The following KIAA0753 variants were observed in gnomAD, a reference collection of about 807,000 sequenced individuals.
KIAA0753 encodes the protein protein moonraker.
KIAA0753 carries 114 observed loss-of-function variants against 116.9 expected under a neutral mutation model. The observed-to-expected ratio is 0.98, with a 90% CI of 0.84 to 1.14. The LOEUF (loss-of-function observed/expected upper bound fraction) is 1.14. Ranked by LOEUF, KIAA0753 falls within the 50% of genes most tolerant of loss-of-function variation. The pLI is 0.00. For synonymous variants in KIAA0753, 405 were observed against 413.1 expected (o/e 0.98, Z 0.24); for missense variants, 1,156 against 1,172.4 (o/e 0.99, Z 0.20).
chr17:6,592,591 C>CTAGA (rs960949928), intron 16 of KIAA0753, among the ~76,000 whole-genome samples: 2 of 152,130 alleles, frequency 1.3e-5, no homozygotes, highest in Non-Finnish European at 2.9e-5. Context: ...GTAAATGGAA[C>CTAGA]TAGATCACAT....
chr17:6,634,108 T>C (rs1291891446), intron 2 of KIAA0753, among the ~76,000 whole-genome samples: 2 of 150,598 alleles, frequency 1.3e-5, no homozygotes, highest in African/African-American at 4.9e-5. Context: ...TTTTTTTTTT[T>C]TTTTTCTTTT....
At chr17:6,626,129 A>G (rs1057453543) in intron 3 of KIAA0753, among the ~76,000 whole-genome samples, 4 of 152,256 alleles carry the variant, frequency 2.6e-5, no homozygotes, top group Non-Finnish European at 5.9e-5. Flanking sequence ...CTGGTACTCT[A>G]TATCTTGAAA....
intron 14 of KIAA0753, among the ~76,000 whole-genome samples, chr17:6,597,618 C>T (rs994239977): frequency 5.9e-5 from 9 of 152,154 alleles, no homozygotes; most frequent in African/African-American, 2.2e-4. Flanking sequence ...AGAACTCATA[C>T]ATTTTGGAAA....
chr17:6,604,515 G>T (rs1970069417), intron 12 of KIAA0753, among the ~76,000 whole-genome samples: 1 of 152,108 alleles, frequency 6.6e-6, no homozygotes, highest in Non-Finnish European at 1.5e-5. Flanking sequence ...TCCAGAGAAT[G>T]ATGTAAAGAA....
chr17:6,616,285 G>A (rs993882189), intron 7 of KIAA0753, among the ~76,000 whole-genome samples: 1 of 152,130 alleles, frequency 6.6e-6, no homozygotes, highest in African/African-American at 2.4e-5. Flanking sequence ...ATTTTCCAGA[G>A]AACTTAAGTT....
At chr17:6,620,141 AT>A (rs1375497670) in intron 7 of KIAA0753, among the ~76,000 whole-genome samples, 1 of 152,224 alleles carries the variant, frequency 6.6e-6, no homozygotes, top group Admixed American at 6.5e-5. Context: ...GCTAAGGAGC[AT>A]GTGAAGAAAC....
At chr17:6,585,601 C>T (rs1220985676) in intron 18 of KIAA0753, among the ~76,000 whole-genome samples, 2 of 152,154 alleles carry the variant, frequency 1.3e-5, no homozygotes, top group Admixed American at 1.3e-4. Context: ...CTGCCTGAGA[C>T]ATTTGACATT....
At chr17:6,633,113 T>C (rs891574659) in intron 2 of KIAA0753, among the ~76,000 whole-genome samples, 1 of 152,200 alleles carries the variant, frequency 6.6e-6, no homozygotes, top group Non-Finnish European at 1.5e-5. Context: ...AAAAAATACT[T>C]AGAGGTAAAA....
At chr17:6,622,859 A>G in intron 6 of KIAA0753, 23 bp downstream of exon 6, 1 of 1,598,632 alleles carries the variant, frequency 6.3e-7, no homozygotes, top group Non-Finnish European at 8.6e-7. Flanking sequence ...CACCTCTAAC[A>G]AAAATTGGAA....
At chr17:6,618,653 C>G (rs1326010590) in intron 7 of KIAA0753, among the ~76,000 whole-genome samples, 1 of 152,176 alleles carries the variant, frequency 6.6e-6, no homozygotes, top group Non-Finnish European at 1.5e-5. Context: ...GTTTTTCTGT[C>G]TCTTACAGTT....
chr17:6,595,820 T>C (rs1969428413), intron 15 of KIAA0753, among the ~76,000 whole-genome samples: 2 of 152,216 alleles, frequency 1.3e-5, no homozygotes, highest in South Asian at 4.1e-4. Flanking sequence ...AGCTGACAGA[T>C]GCAAAAGCCT....
chr17:6,602,924 T>C (rs1252716977), intron 12 of KIAA0753, among the ~76,000 whole-genome samples: 3 of 152,092 alleles, frequency 2.0e-5, no homozygotes, highest in Admixed American at 6.5e-5. Flanking sequence ...AAAAAGATTA[T>C]GTAGGTCAAA....
intron 1 of KIAA0753, chr17:6,635,642 AT>A (rs2150928768): frequency 6.6e-6 from 1 of 152,628 alleles, no homozygotes; most frequent in African/African-American, 2.4e-5. Flanking sequence ...AACCTGTAGC[AT>A]CAGAATTCCT....
rs1415142683 is a variant in KIAA0753, at chr17:6,639,051, T to C, written c.-69+1586A>G. ...GGTCACCTCCACATCTAGTTTCCTC[T>C]TCAGCAGCACAGGGCACCCCAACAG... is the stretch of plus-strand genomic sequence containing the variant. On this transcript the variant is annotated intron_variant, in intron 1 of 18. Transcript: ENST00000361413. The surrounding 1 kb of genome is among the most constrained non-coding windows in gnomAD (Gnocchi z 4.3). 2 of 152,822 alleles carry C rather than the reference T, an allele frequency of 1.3e-5. No homozygotes were observed. The highest frequency in any genetic ancestry group is 2.9e-5 in the Non-Finnish European group (2 of 68,724). The allele number at this position is 152,822 out of a possible 1,614,324, so 9.5% of individuals were successfully genotyped here.
In KIAA0753 at chr17:6,624,826, G is replaced by A. The variant is rs141632537; in HGVS notation, c.754C>T (p.Arg252Cys). Reference sequence around the variant, plus strand: ...TCCTGTCTCCTGATACGGATTCGACGTTCTTCATCTGGATCCAAAGCTTCT... The same window carrying A: ...TCCTGTCTCCTGATACGGATTCGACATTCTTCATCTGGATCCAAAGCTTCT... ...LEEALDPDEE[R>C]RIRIRRQEQA... Residue 252 changes from arginine (R) to cysteine (C), a missense_variant, in exon 4 of 19, where the codon CGT becomes TGT. Transcript: ENST00000361413. 1,138 of 1,561,708 alleles carry A rather than the reference G, an allele frequency of 7.3e-4. 1 individual carries two copies. In the African/African-American group the frequency reaches 0.011, roughly 15 times the overall value.
Position 6,599,971 on chromosome 17 carries a change from G to C in KIAA0753, c.2088+409C>G, listed in dbSNP as rs1969747147. Among the ~76,000 whole-genome samples the C allele has an allele frequency of 1.3e-5, 2 of 152,086 alleles. 1 individual carries two copies. Among genetic ancestry groups the C allele is most frequent in the South Asian group, 4.2e-4 (2 of 4,818 alleles). On this transcript the variant is annotated intron_variant, in intron 13 of 18. Coordinates refer to ENST00000361413, the MANE Select transcript of KIAA0753 (RefSeq NM_014804.3). ...CATCTATAATTTCATCCTCAAGAAA[G>C]TACTGGATTGTGCACAGAAGCTGTC... is the stretch of plus-strand genomic sequence containing the variant.
Position 6,596,249 on chromosome 17 carries a change from T to C in KIAA0753, c.2267A>G (p.Lys756Arg). The C allele has an allele frequency of 6.2e-7, 1 of 1,613,878 alleles. No individual in the cohort carries two copies. Among genetic ancestry groups the C allele is most frequent in the South Asian group, 1.1e-5 (1 of 91,074 alleles). ...ASELWAVTHA[K>R]ILGSETLATV... ...GGCTAAGGTTTCAGACCCCAAGATC[T>C]TAGCATGAGTCACAGCCCAGAGCTC... is the stretch of plus-strand genomic sequence containing the variant. The change falls in exon 15 of 19, where the codon AAG becomes AGG. Residue 756 changes from lysine to arginine, a missense_variant. By Grantham distance (26) the Lys-to-Arg change is conservative (BLOSUM62 2). Coordinates refer to ENST00000361413, the MANE Select transcript of KIAA0753 (RefSeq NM_014804.3).
rs1466087014 is a variant in KIAA0753 at position 6,578,909 on chromosome 17, T to C, written c.*838A>G. On this transcript the variant is annotated 3_prime_UTR_variant, in exon 19 of 19. Coordinates refer to ENST00000361413, the MANE Select transcript of KIAA0753 (RefSeq NM_014804.3). ...GTCTTCGCGCCATCCATCTGTTCCC[T>C]ACTCCCACTTGGGTTCCTTTGTGGT... 1 of 152,054 alleles carries C rather than the reference T, an allele frequency of 6.6e-6. No homozygotes were observed. Among genetic ancestry groups the C allele is most frequent in the Non-Finnish European group, 1.5e-5 (1 of 67,972 alleles). 9.4% of individuals were successfully genotyped at this position (152,054 alleles called of 1,614,324 possible). A position where few individuals can be genotyped will look rare whatever the true frequency, so the allele number is the denominator to read the frequency against.
intron 12 of KIAA0753, among the ~76,000 whole-genome samples, chr17:6,602,646 T>G (rs538257594): frequency 6.6e-6 from 1 of 152,174 alleles, no homozygotes; most frequent in African/African-American, 2.4e-5. Flanking sequence ...AAAAGACATG[T>G]GGGTACTTTC....
Sources: gnomAD v4.1 joint callset for allele counts (sites outside exome capture counted in the v4.1 genomes callset) on GRCh38, gnomAD v4.1.1 for gene constraint, Gnocchi (gnomAD v3.1) non-coding constraint, MANE v1.5 for transcripts, NCBI Gene and HGNC (gene_info 2026-07-23, HGNC 2026-07-21) for gene names.